The following MAML2 variants were observed in gnomAD, a reference collection of about 807,000 sequenced individuals.
MAML2 encodes the protein mastermind like transcriptional coactivator 2.
A neutral mutation model predicts 96.1 loss-of-function variants in MAML2; 22 were observed. The ratio of observed to expected loss-of-function variants is 0.23; its 90% CI spans 0.16 to 0.33. The LOEUF is 0.33. Among genes scored for constraint, MAML2 ranks in the 10% least tolerant of loss-of-function variants. MAML2 has a pLI of 1.00. For missense variants in MAML2, 1,367 were observed against 1,392.4 expected (o/e 0.98, Z 0.29); for synonymous variants, 561 against 521.3 (o/e 1.08, Z -1.04).
intron 1 of MAML2, among the ~76,000 whole-genome samples, chr11:96,234,812 C>T (rs190123650): frequency 7.5e-4 from 114 of 152,244 alleles, no homozygotes; most frequent in African/African-American, 2.4e-3. Context: ...TAAGCCACAA[C>T]TCTGGAATTG....
At chr11:96,157,566 T>C (rs146721411) in intron 1 of MAML2, among the ~76,000 whole-genome samples, 2 of 152,396 alleles carry the variant, frequency 1.3e-5, no homozygotes, top group African/African-American at 4.8e-5. Context: ...TCATGGAGTA[T>C]GCATGAAAAT....
intron 2 of MAML2, among the ~76,000 whole-genome samples, chr11:96,051,175 A>C (rs777499043): frequency 6.6e-6 from 1 of 152,128 alleles, no homozygotes; most frequent in South Asian, 2.1e-4. Context: ...CATCTATCCA[A>C]CCATCCATCC....
intron 1 of MAML2, among the ~76,000 whole-genome samples, chr11:96,323,782 C>T (rs996292333): frequency 1.3e-5 from 2 of 152,134 alleles, no homozygotes; most frequent in East Asian, 1.9e-4. Context: ...GGGCAGATGT[C>T]GACAATGAAC....
intron 1 of MAML2, among the ~76,000 whole-genome samples, chr11:96,129,541 C>T (rs972287412): frequency 2.0e-5 from 3 of 151,906 alleles, no homozygotes; most frequent in Non-Finnish European, 4.4e-5. Context: ...TGCTGAAATC[C>T]ACACAAACTA....
intron 1 of MAML2, among the ~76,000 whole-genome samples, chr11:96,125,398 A>G (rs1860421737): frequency 6.6e-6 from 1 of 152,102 alleles, no homozygotes; most frequent in South Asian, 2.1e-4. Flanking sequence ...CAGGAGAGGC[A>G]TGAGGTGACA....
chr11:96,295,104 A>G (rs970955843), intron 1 of MAML2, among the ~76,000 whole-genome samples: 4 of 152,226 alleles, frequency 2.6e-5, no homozygotes, highest in Non-Finnish European at 5.9e-5. Context: ...GTCAGACAAC[A>G]TCAACACTGA....
chr11:96,084,849 TC>T (rs1264503432), intron 2 of MAML2, among the ~76,000 whole-genome samples: 2 of 152,194 alleles, frequency 1.3e-5, no homozygotes, highest in Admixed American at 6.5e-5. Context: ...AATTCATGTT[TC>T]ATAAAGGTGG....
rs374292005 is a variant in MAML2 at position 96,092,755 on chromosome 11, T to A, written c.1276A>T (p.Ser426Cys). 9.3e-6 allele frequency: 15 copies of A among 1,613,714 alleles called. No individual in the cohort carries two copies. The African/African-American group carries it at 1.5e-4, about 16-fold the overall frequency. Residue 426 changes from serine to cysteine, a missense_variant, in exon 2 of 5, where the codon AGC becomes TGC. Ser to Cys is a moderately radical substitution (Grantham distance 112). Coordinates refer to ENST00000524717, the MANE Select transcript of MAML2 (RefSeq NM_032427.4). This position sits in a 1 kb window ranked among gnomAD's most constrained non-coding sequence, Gnocchi z 4.1. ...TGSGASRALP[S>C]WQEVSHAQQL... ...TGGGCATGGGATACTTCCTGCCAGCTTGGCAAGGCCCGGCTTGCTCCGGAG... is the reference window on the plus strand; with the variant it reads ...TGGGCATGGGATACTTCCTGCCAGCATGGCAAGGCCCGGCTTGCTCCGGAG...
intron 1 of MAML2, among the ~76,000 whole-genome samples, chr11:96,176,392 C>T (rs1352398964): frequency 6.6e-6 from 1 of 152,160 alleles, no homozygotes; most frequent in Non-Finnish European, 1.5e-5. Flanking sequence ...TACATTATTA[C>T]ACTTAATCCT....
chr11:96,136,105 A>C (rs1047619679), intron 1 of MAML2, among the ~76,000 whole-genome samples: 4 of 152,210 alleles, frequency 2.6e-5, no homozygotes, highest in African/African-American at 9.7e-5. Flanking sequence ...TTTGATCTAG[A>C]GTATGAAGAA....
chr11:96,007,246 C>T lies in MAML2; in HGVS notation c.2140-15523G>A, dbSNP rs533624314. 8.1e-4 allele frequency among the ~76,000 whole-genome samples: 122 copies of T among 150,818 alleles called. 1 individual carries two copies. The highest frequency in any genetic ancestry group is 1.3e-3 in the South Asian group (6 of 4,744). Reference sequence around the variant, plus strand: ...CAGGATGGTCTTGATCTCCCGACCTCGTGATCCACCCACCTCTGTCTCCCA... The same window carrying T: ...CAGGATGGTCTTGATCTCCCGACCTTGTGATCCACCCACCTCTGTCTCCCA... On this transcript the variant is annotated intron_variant, in intron 2 of 4. Transcript: ENST00000524717.
intron 1 of MAML2, among the ~76,000 whole-genome samples, chr11:96,143,237 C>A (rs556027430): frequency 3.9e-5 from 6 of 152,268 alleles, no homozygotes; most frequent in African/African-American, 1.4e-4. Flanking sequence ...TTTAAAACTG[C>A]TGACAAATGG....
intron 1 of MAML2, among the ~76,000 whole-genome samples, chr11:96,227,299 C>T (rs1327844741): frequency 1.3e-5 from 2 of 152,182 alleles, no homozygotes; most frequent in Non-Finnish European, 1.5e-5. Flanking sequence ...CTAGTACCTA[C>T]GCATAATCCT....
At chr11:96,048,210 C>T (rs1858937125) in intron 2 of MAML2, among the ~76,000 whole-genome samples, 1 of 152,046 alleles carries the variant, frequency 6.6e-6, no homozygotes. Context: ...GCTGACACCC[C>T]CATACACTGC....
chr11:96,334,068 C>T (rs2136019415), intron 1 of MAML2, among the ~76,000 whole-genome samples: 1 of 152,272 alleles, frequency 6.6e-6, no homozygotes, highest in South Asian at 2.1e-4. Flanking sequence ...TGGTCCCATT[C>T]TCAAGAAGGA....
At chr11:95,983,586 T>A (rs1473085472) in intron 4 of MAML2, among the ~76,000 whole-genome samples, 1 of 152,192 alleles carries the variant, frequency 6.6e-6, no homozygotes. Flanking sequence ...AAATGATAAA[T>A]GTTTGATGTG....
chr11:96,247,863 C>G (rs1366384236), intron 1 of MAML2, among the ~76,000 whole-genome samples: 1 of 152,108 alleles, frequency 6.6e-6, no homozygotes, highest in Non-Finnish European at 1.5e-5. Context: ...AGCACACCAA[C>G]AACCTTCCAC....
intron 1 of MAML2, among the ~76,000 whole-genome samples, chr11:96,323,724 A>C (rs1863739864): frequency 6.6e-6 from 1 of 152,222 alleles, no homozygotes; most frequent in African/African-American, 2.4e-5. Context: ...AACCCTGAAG[A>C]ATCTATCTCA....
At chr11:96,148,659 TACACAC>T (rs58470055) in intron 1 of MAML2, among the ~76,000 whole-genome samples, 6,986 of 131,862 alleles carry the variant, frequency 0.053, 190 homozygotes, top group East Asian at 0.081. Flanking sequence ...TTCTGAAAAA[TACACAC>T]ACACACACAC....
Sources: gnomAD v4.1 joint callset for allele counts (sites outside exome capture counted in the v4.1 genomes callset) on GRCh38, gnomAD v4.1.1 for gene constraint, Gnocchi (gnomAD v3.1) non-coding constraint, MANE v1.5 for transcripts, NCBI Gene and HGNC (gene_info 2026-07-23, HGNC 2026-07-21) for gene names.